The following TP63 variants were observed in gnomAD, a reference collection of about 807,000 sequenced individuals.
The protein encoded by TP63 is tumor protein 63.
A neutral mutation model predicts 82.8 loss-of-function variants in TP63; 17 were observed. That is an observed-to-expected ratio of 0.21 (90% CI 0.14 to 0.31). TP63 has a LOEUF of 0.31. TP63 is among the 10% of genes least tolerant of loss of function. The pLI is 1.00. For synonymous variants in TP63, 330 were observed against 321.7 expected (o/e 1.03, Z -0.28); for missense variants, 648 against 895.3 (o/e 0.72, Z 3.52).
intron 3 of TP63, among the ~76,000 whole-genome samples, chr3:189,795,365 C>CT (rs1186647353): frequency 5.3e-5 from 8 of 151,970 alleles, no homozygotes; most frequent in African/African-American, 1.9e-4. Context: ...AATTCATAAT[C>CT]TGAGGGAGTT....
At chr3:189,687,916 G>A (rs1265075644) in intron 1 of TP63, among the ~76,000 whole-genome samples, 2 of 151,958 alleles carry the variant, frequency 1.3e-5, no homozygotes, top group African/African-American at 4.8e-5. Flanking sequence ...CCTTTGGAAG[G>A]ACATCTGTCA....
intron 11 of TP63, among the ~76,000 whole-genome samples, chr3:189,887,590 A>G (rs1460015645): frequency 6.6e-6 from 1 of 152,218 alleles, no homozygotes; most frequent in Non-Finnish European, 1.5e-5. Flanking sequence ...AGCAAAGTGG[A>G]TACACAAACT....
At chr3:189,885,419 T>C (rs1250502437) in intron 10 of TP63, among the ~76,000 whole-genome samples, 1 of 152,146 alleles carries the variant, frequency 6.6e-6, no homozygotes, top group Non-Finnish European at 1.5e-5. Context: ...CAAGTGTAAA[T>C]GTATGTAGTT....
intron 6 of TP63, among the ~76,000 whole-genome samples, chr3:189,867,129 A>G (rs1717824189): frequency 6.6e-6 from 1 of 152,174 alleles, no homozygotes; most frequent in Non-Finnish European, 1.5e-5. Context: ...AAGCAATAGT[A>G]GTGGATGCAA....
At chr3:189,889,194 T>G in intron 11 of TP63, 146 bp from the exon 12 acceptor site, 1 of 1,155,664 alleles carries the variant, frequency 8.7e-7, no homozygotes, top group Non-Finnish European at 1.3e-6. Context: ...TGTAGGCTGT[T>G]TGAAGGGGTG....
chr3:189,862,098 A>G (rs951275322), intron 4 of TP63, among the ~76,000 whole-genome samples: 2 of 152,206 alleles, frequency 1.3e-5, no homozygotes, highest in African/African-American at 2.4e-5. Flanking sequence ...TGCAGAAATA[A>G]TGTTTGATCT....
chr3:189,851,193 CA>C (rs2108765845), intron 4 of TP63, among the ~76,000 whole-genome samples: 1 of 152,012 alleles, frequency 6.6e-6, no homozygotes, highest in East Asian at 1.9e-4. Flanking sequence ...GTGAAGTGGC[CA>C]AAATGTGGGT....
the TP63 span, among the ~76,000 whole-genome samples, chr3:189,615,775 C>T: frequency 1.0e-3 from 154 of 152,310 alleles, 1 homozygote; most frequent in African/African-American, 3.3e-3. Flanking sequence ...TAGATGCCCA[C>T]GCTCCTAAGT....
At chr3:189,889,228 G>A (rs1439793821) in intron 11 of TP63, 112 bp from the exon 12 acceptor site, 46 of 1,487,144 alleles carry the variant, frequency 3.1e-5, no homozygotes, top group Non-Finnish European at 4.2e-5. Context: ...GATTAAAAAG[G>A]AAGGCTGGTA....
intron 12 of TP63, among the ~76,000 whole-genome samples, chr3:189,889,951 T>G (rs544667912): frequency 6.6e-6 from 1 of 152,302 alleles, no homozygotes; most frequent in South Asian, 2.1e-4. Context: ...TGACAGGGAC[T>G]TTCAAAAACT....
intron 3 of TP63, among the ~76,000 whole-genome samples, chr3:189,796,543 C>CT (rs201902139): frequency 0.02 from 3,032 of 151,808 alleles, 95 homozygotes; most frequent in African/African-American, 0.069. Context: ...ATTTCTTTCT[C>CT]TTTTTTTTAC....
At chr3:189,849,775 A>T (rs888049486) in intron 4 of TP63, among the ~76,000 whole-genome samples, 9 of 152,124 alleles carry the variant, frequency 5.9e-5, no homozygotes, top group African/African-American at 2.2e-4. Flanking sequence ...CGTGCTCAAT[A>T]AATATTTGCT....
intron 3 of TP63, among the ~76,000 whole-genome samples, chr3:189,748,043 A>T (rs1721509901): frequency 1.3e-5 from 2 of 152,132 alleles, no homozygotes; most frequent in Non-Finnish European, 2.9e-5. Context: ...ATATAGAAAC[A>T]TGCCTCTACA....
intron 3 of TP63, among the ~76,000 whole-genome samples, chr3:189,792,675 A>C (rs1464925799): frequency 6.6e-6 from 1 of 152,098 alleles, no homozygotes; most frequent in African/African-American, 2.4e-5. Flanking sequence ...TGAGAGAGCT[A>C]TATGTATACG....
intron 1 of TP63, among the ~76,000 whole-genome samples, chr3:189,724,552 A>G (rs1316014644): frequency 6.6e-6 from 1 of 152,140 alleles, no homozygotes; most frequent in Non-Finnish European, 1.5e-5. Flanking sequence ...CTTAGCTCCC[A>G]CTTATGAGTG....
At chr3:189,762,214 A>C (rs889213416) in intron 3 of TP63, among the ~76,000 whole-genome samples, 2 of 152,318 alleles carry the variant, frequency 1.3e-5, no homozygotes, top group East Asian at 1.9e-4. Context: ...ATTTCCCCCC[A>C]CAAAGGCTGC....
intron 10 of TP63, chr3:189,880,667 A>T: frequency 6.1e-6 from 6 of 985,488 alleles, no homozygotes; most frequent in Non-Finnish European, 7.2e-6. Context: ...ACTCAGTCAG[A>T]CCCTTTTAAT....
intron 4 of TP63, among the ~76,000 whole-genome samples, chr3:189,840,123 GTC>G (rs1271658212): frequency 3.3e-5 from 5 of 152,160 alleles, no homozygotes; most frequent in Non-Finnish European, 7.3e-5. Flanking sequence ...TCAAGCGTAA[GTC>G]TTATTTTTTA....
chr3:189,642,274 C>T (rs929271305), intron 1 of TP63, among the ~76,000 whole-genome samples: 4 of 152,086 alleles, frequency 2.6e-5, no homozygotes, highest in Admixed American at 6.5e-5. Context: ...AAGACCTCAA[C>T]GTTTGATTTT....
Sources: allele counts gnomAD v4.1 joint callset (sites outside exome capture counted in the v4.1 genomes callset), GRCh38; gene constraint gnomAD v4.1.1; transcripts MANE v1.5; gene names NCBI Gene and HGNC (gene_info 2026-07-23, HGNC 2026-07-21).